SUSD1: variants seen among roughly 807,000 people sequenced by gnomAD.
The protein encoded by SUSD1 is sushi domain containing 1, also known as sushi domain-containing protein 1.
A neutral mutation model predicts 86.9 loss-of-function variants in SUSD1; 65 were observed. That is an observed-to-expected ratio of 0.75 (90% CI 0.61 to 0.92). SUSD1 has a LOEUF of 0.92. Among genes scored for constraint, SUSD1 ranks in the 40% least tolerant of loss-of-function variants. SUSD1 has a pLI of 0.00. For synonymous variants in SUSD1, 346 were observed against 350.0 expected (o/e 0.99, Z 0.13); for missense variants, 850 against 929.7 (o/e 0.91, Z 1.11).
chr9:112,049,085 T>C (rs768992537), intron 15 of SUSD1, among the ~76,000 whole-genome samples: 12 of 152,222 alleles, frequency 7.9e-5, no homozygotes, highest in African/African-American at 1.2e-4. Context: ...AGGGAAATTC[T>C]GAACTCTTGT....
chr9:112,048,720 T>C (rs1167222276), intron 15 of SUSD1, among the ~76,000 whole-genome samples: 1 of 152,224 alleles, frequency 6.6e-6, no homozygotes, highest in African/African-American at 2.4e-5. Context: ...TCCTGCCCTG[T>C]TGAGAAAATT....
chr9:112,117,302 T>G (rs1251229802), intron 6 of SUSD1, among the ~76,000 whole-genome samples: 6 of 152,178 alleles, frequency 3.9e-5, no homozygotes, highest in Admixed American at 1.3e-4. Context: ...TCTCCCCTCA[T>G]GGAGTGCCCA....
intron 3 of SUSD1, among the ~76,000 whole-genome samples, chr9:112,146,630 C>A (rs1019458643): frequency 1.4e-5 from 2 of 144,708 alleles, no homozygotes; most frequent in Admixed American, 6.9e-5. Flanking sequence ...CATTCTTCTT[C>A]CTAACTTAAA....
At chr9:112,138,255 A>ATGTATATACACATATATATATATG (rs1832384662) in intron 5 of SUSD1, among the ~76,000 whole-genome samples, 18 of 101,020 alleles carry the variant, frequency 1.8e-4, no homozygotes, top group African/African-American at 6.8e-4. Context: ...ATATATATAT[A>ATGTATATACACATATATATATATG]TGTGTATATA....
At chr9:112,135,756 T>C (rs1037615860) in intron 5 of SUSD1, among the ~76,000 whole-genome samples, 22 of 152,316 alleles carry the variant, frequency 1.4e-4, no homozygotes, top group African/African-American at 4.8e-4. Flanking sequence ...CACTAGAAAA[T>C]GGCCCACTTG....
rs546459861 is a variant in SUSD1 at position 112,084,141 on chromosome 9, G to GA, written c.1475-3977dup. On this transcript the variant is annotated intron_variant, in intron 10 of 16. Coordinates refer to ENST00000374270, the MANE Select transcript of SUSD1 (RefSeq NM_022486.5). Reference sequence around the variant, plus strand: ...TAGGATTTCATAGATACCAAAATGTGAAAAAAATATGCCTCTGAGAATCAA... The same window carrying GA: ...TAGGATTTCATAGATACCAAAATGTGAAAAAAAATATGCCTCTGAGAATCAA... Among the ~76,000 whole-genome samples the GA allele has an allele frequency of 3.4e-3, 522 of 151,596 alleles. 2 individuals are homozygous for GA. The highest frequency in any genetic ancestry group is 0.012 in the African/African-American group (493 of 41,336).
At chr9:112,070,492 G>A (rs777002662) in intron 12 of SUSD1, among the ~76,000 whole-genome samples, 10 of 152,206 alleles carry the variant, frequency 6.6e-5, no homozygotes, top group Middle Eastern at 3.4e-3. Context: ...CATCAACCTC[G>A]TTACTGATTT....
chr9:112,173,667 G>A (rs2131876418), intron 1 of SUSD1: 2 of 453,392 alleles, frequency 4.4e-6, no homozygotes, highest in South Asian at 1.7e-5. Context: ...GCGGGCACGA[G>A]CACGTTTCCC....
intron 12 of SUSD1, among the ~76,000 whole-genome samples, chr9:112,066,485 G>A (rs1437839776): frequency 1.3e-5 from 2 of 152,150 alleles, no homozygotes; most frequent in Non-Finnish European, 2.9e-5. Flanking sequence ...ACAGAAGCCA[G>A]GCGAAATAGG....
intron 12 of SUSD1, among the ~76,000 whole-genome samples, chr9:112,070,169 C>A (rs1387979173): frequency 6.6e-6 from 1 of 152,050 alleles, no homozygotes; most frequent in Non-Finnish European, 1.5e-5. Flanking sequence ...CCACACACGG[C>A]TGATTTTTGT....
At position 112,113,832 on chromosome 9, in the gene SUSD1, T is replaced by C. The variant is rs1327990646; in HGVS notation, c.887-964A>G. ...CTGTAATCTCAACTACCTGGGAGGCTGAGGCAGGAGAATCACTTGAACCTG... is the reference window on the plus strand; with the variant it reads ...CTGTAATCTCAACTACCTGGGAGGCCGAGGCAGGAGAATCACTTGAACCTG... On this transcript the variant is annotated intron_variant, in intron 6 of 16. Transcript: ENST00000374270. The surrounding 1 kb of genome is among the most constrained non-coding windows in gnomAD (Gnocchi z 4.1). 1.3e-5 allele frequency among the ~76,000 whole-genome samples: 2 copies of C among 152,046 alleles called. No individual in the cohort carries two copies. The highest frequency in any genetic ancestry group is 2.9e-5 in the Non-Finnish European group (2 of 68,006).
Position 112,111,713 on chromosome 9 carries a change from T to C in SUSD1, c.1112A>G (p.Asn371Ser), listed in dbSNP as rs545456663. The C allele has an allele frequency of 1.2e-6, 2 of 1,614,150 alleles. No homozygotes were observed. Among genetic ancestry groups the C allele is most frequent in the Non-Finnish European group, 1.7e-6 (2 of 1,180,012 alleles). ...ALYPGTNYTVNISTAPPRRSM... is the reference protein window; with the variant it reads ...ALYPGTNYTVSISTAPPRRSM... ...GCGCCTGGGAGGTGCTGTGGAGATG[T>C]TCACGGTGTAGTTGGTGCCTGGGTA... The change falls in exon 8 of 17, where the codon AAC (asparagine) becomes AGC (serine). Residue 371 changes from asparagine to serine, a missense_variant. Coordinates refer to ENST00000374270, the MANE Select transcript of SUSD1 (RefSeq NM_022486.5).
intron 13 of SUSD1, among the ~76,000 whole-genome samples, chr9:112,061,238 C>G (rs960114258): frequency 6.6e-6 from 1 of 152,138 alleles, no homozygotes; most frequent in Non-Finnish European, 1.5e-5. Flanking sequence ...AGACACTGTC[C>G]CTAAATGGTG....
At chr9:112,078,018 C>T (rs999650523) in intron 12 of SUSD1, among the ~76,000 whole-genome samples, 3 of 152,014 alleles carry the variant, frequency 2.0e-5, no homozygotes, top group Admixed American at 2.0e-4. Flanking sequence ...CCCCACAGAC[C>T]TCCCCTGTGG....
chr9:112,174,638 C>G (rs1834187664), intron 1 of SUSD1, among the ~76,000 whole-genome samples: 1 of 152,206 alleles, frequency 6.6e-6, no homozygotes, highest in South Asian at 2.1e-4. Flanking sequence ...CTTCCTTACG[C>G]GTCTTTCTCA....
rs1319942472 is a variant in SUSD1, at chr9:112,107,393, G to A, written c.1171+4261C>T. Among the ~76,000 whole-genome samples, 6 of 152,014 alleles carry A rather than the reference G, an allele frequency of 3.9e-5. No homozygotes were observed. In the South Asian group the frequency reaches 1.2e-3, roughly 32 times the overall value. ...AAAACCGGGAGGCCAAGGTTTCAGT[G>A]AGCCAAGATCACGCCACTGCACTCC... On this transcript the variant is annotated intron_variant, in intron 8 of 16. Transcript: ENST00000374270.
In SUSD1 at chr9:112,078,665, A is replaced by G; in HGVS notation, c.1626T>C (p.Asn542=). 6.2e-7 allele frequency: 1 copy of G among 1,614,062 alleles called. No homozygotes were observed. The highest frequency in any genetic ancestry group is 2.2e-5 in the East Asian group (1 of 44,886). ...QKEFAQEMTF[N]ISSSSRDPEV... is the part of the protein sequence containing the mutation. The stretch of plus-strand genomic sequence containing the variant: ...CGGGATCTCGGCTGCTGCTACTGAT[A>G]TTAAAGGTCATTTCCTGGGCAAATT... Residue 542 remains asparagine (N), a synonymous_variant, in exon 12 of 17, where the codon AAT becomes AAC. Coordinates refer to ENST00000374270, the MANE Select transcript of SUSD1 (RefSeq NM_022486.5).
chr9:112,160,884 G>A (rs573750593), intron 1 of SUSD1, among the ~76,000 whole-genome samples: 10 of 152,252 alleles, frequency 6.6e-5, no homozygotes, highest in African/African-American at 1.2e-4. Flanking sequence ...CACTGATGCC[G>A]CACAAAACAG....
intron 8 of SUSD1, among the ~76,000 whole-genome samples, chr9:112,111,221 T>C (rs943489976): frequency 2.0e-5 from 3 of 152,142 alleles, no homozygotes; most frequent in Admixed American, 2.0e-4. Flanking sequence ...CTGGAACTCC[T>C]GACCTCAAGT....
Sources: gnomAD v4.1 joint callset for allele counts (sites outside exome capture counted in the v4.1 genomes callset) on GRCh38, gnomAD v4.1.1 for gene constraint, Gnocchi (gnomAD v3.1) non-coding constraint, MANE v1.5 for transcripts, NCBI Gene and HGNC (gene_info 2026-07-23, HGNC 2026-07-21) for gene names.